Variants in SEC23B observed in about 807,000 individuals in gnomAD.
The protein encoded by SEC23B is protein transport protein Sec23B.
SEC23B carries 77 observed loss-of-function variants against 104.3 expected under a neutral mutation model. The observed-to-expected ratio is 0.74, with a 90% CI of 0.61 to 0.89. The LOEUF (loss-of-function observed/expected upper bound fraction) is 0.89, where lower values mean the gene tolerates loss of function less well. Among genes scored for constraint, SEC23B ranks in the 40% least tolerant of loss-of-function variants. The pLI, the probability that SEC23B is intolerant of heterozygous loss-of-function variation, is 0.00. For synonymous variants in SEC23B, 338 were observed against 332.5 expected, an observed-to-expected ratio of 1.02 and a Z score of -0.18; for missense variants, 885 against 949.4, an observed-to-expected ratio of 0.93 and a Z score of 0.89.
intron 4 of SEC23B, among the ~76,000 whole-genome samples, chr20:18,523,909 G>A (rs949891614): frequency 3.9e-5 from 6 of 151,944 alleles, no homozygotes; most frequent in Non-Finnish European, 7.4e-5. Context: ...TAGAGACGGG[G>A]TCTCGCCATG....
At chr20:18,527,686 G>A (rs1033527300) in intron 9 of SEC23B, 75 bp downstream of exon 9, 4 of 1,004,556 alleles carry the variant, frequency 4.0e-6, no homozygotes, top group Non-Finnish European at 6.4e-6. Context: ...TGGAGCCATA[G>A]GAATGGGCAA....
At position 18,554,381 on chromosome 20, in the gene SEC23B, A is replaced by T; in HGVS notation, c.2139A>T (p.Gly713=). 3.7e-6 allele frequency: 6 copies of T among 1,614,190 alleles called. No individual in the cohort carries two copies. Among genetic ancestry groups the T allele is most frequent in the Non-Finnish European group, 5.1e-6 (6 of 1,180,024 alleles). The change falls in exon 18 of 20, where the codon GGA becomes GGT. Residue 713 remains glycine (G), a synonymous_variant. Coordinates refer to ENST00000650089, the MANE Select transcript of SEC23B (RefSeq NM_006363.6). ...PMPRYINTEH[G]GSQARFLLSK... is the part of the protein sequence containing the mutation. ...CACGTTACATCAACACGGAGCATGGAGGCAGTCAGGTGAGTGAGCTGAGTT... is the reference window on the plus strand; with the variant it reads ...CACGTTACATCAACACGGAGCATGGTGGCAGTCAGGTGAGTGAGCTGAGTT...
chr20:18,526,323 C>T (rs1186647790), intron 7 of SEC23B, 50 bp from the exon 8 acceptor site: 2 of 1,599,986 alleles, frequency 1.3e-6, no homozygotes, highest in Admixed American at 1.7e-5. Flanking sequence ...TGAAACCATA[C>T]TAAAAGGTGA....
intron 3 of SEC23B, among the ~76,000 whole-genome samples, chr20:18,513,591 A>C (rs2059999723): frequency 6.6e-6 from 1 of 152,220 alleles, no homozygotes; most frequent in Admixed American, 6.5e-5. Flanking sequence ...CATAATTACA[A>C]TTACTCATTC....
chr20:18,524,511 G>C lies in SEC23B; in HGVS notation c.445G>C (p.Glu149Gln). ...LEEDDLQALK[E>Q]SLQMSLSLLP... Reference sequence around the variant, plus strand: ...GGAAGATGACCTTCAAGCACTCAAAGAGTCCCTGCAGATGTCCCTGAGTCT... The same window carrying C: ...GGAAGATGACCTTCAAGCACTCAAACAGTCCCTGCAGATGTCCCTGAGTCT... The change falls in exon 5 of 20, where the codon GAG becomes CAG. Residue 149 changes from glutamate (E) to glutamine (Q), a missense_variant. By Grantham distance (29) the Glu-to-Gln change is conservative (BLOSUM62 2). Coordinates refer to ENST00000650089, the MANE Select transcript of SEC23B (RefSeq NM_006363.6). The C allele has an allele frequency of 6.2e-7, 1 of 1,614,216 alleles. No homozygotes were observed. The highest frequency in any genetic ancestry group is 8.5e-7 in the Non-Finnish European group (1 of 1,180,040).
Position 18,524,447 on chromosome 20 carries a change from C to G in SEC23B, c.381C>G (p.Ser127=), listed in dbSNP as rs1268103409. The G allele has an allele frequency of 6.2e-7, 1 of 1,613,638 alleles. No individual in the cohort carries two copies. The highest frequency in any genetic ancestry group is 8.5e-7 in the Non-Finnish European group (1 of 1,179,770). Residue 127 remains serine, a synonymous_variant, in exon 5 of 20, where the codon TCC becomes TCG. Transcript: ENST00000650089. Reference sequence around the variant, plus strand: ...TTTGCCCAAAGCGAGGTGCTCAGTCCCCTCTGATCTTTCTCTATGTGGTTG... The same window carrying G: ...TTTGCCCAAAGCGAGGTGCTCAGTCGCCTCTGATCTTTCTCTATGTGGTTG... The part of the protein sequence containing the change: ...IEYVIQRGAQ[S]PLIFLYVVDT...
intron 4 of SEC23B, among the ~76,000 whole-genome samples, chr20:18,516,246 T>TGC (rs1298292675): frequency 1.3e-5 from 1 of 75,288 alleles, no homozygotes; most frequent in Non-Finnish European, 3.4e-5. Flanking sequence ...GCCACAGTAA[T>TGC]TCTTTTTTTT....
intron 9 of SEC23B, among the ~76,000 whole-genome samples, chr20:18,529,420 A>C (rs775676410): frequency 1.3e-5 from 2 of 152,242 alleles, no homozygotes; most frequent in African/African-American, 2.4e-5. Flanking sequence ...GGTATTTTGC[A>C]GAGGGTTTGG....
intron 19 of SEC23B, among the ~76,000 whole-genome samples, chr20:18,555,661 A>C (rs943918686): frequency 2.6e-5 from 4 of 152,228 alleles, no homozygotes; most frequent in Non-Finnish European, 5.9e-5. Flanking sequence ...TGTTTTCTTA[A>C]AACATTTTTA....
chr20:18,526,657 T>C, intron 8 of SEC23B, 126 bp downstream of exon 8: 1 of 1,023,758 alleles, frequency 9.8e-7, no homozygotes, highest in Non-Finnish European at 1.5e-6. Context: ...CAGAGACAGT[T>C]TTCCAATCTT....
chr20:18,548,263 A>T (rs114642259), intron 15 of SEC23B, among the ~76,000 whole-genome samples: 74,935 of 129,090 alleles, frequency 0.58, 19,607 homozygotes, highest in Non-Finnish European at 0.67. Flanking sequence ...AGGCCCTTTA[A>T]AAAAAAAAAT....
chr20:18,524,771 G>A, intron 5 of SEC23B, 102 bp downstream of exon 5: 1 of 1,220,430 alleles, frequency 8.2e-7, no homozygotes, highest in South Asian at 1.2e-5. Context: ...GTTCAGTGGT[G>A]TGATCATTGC....
chr20:18,559,086 G>A (rs529515468), intron 19 of SEC23B, among the ~76,000 whole-genome samples: 4 of 150,220 alleles, frequency 2.7e-5, no homozygotes, highest in Admixed American at 6.7e-5. Flanking sequence ...TTGGTGGGGG[G>A]GGTGTCGGGG....
chr20:18,524,924 T>G lies in SEC23B; in HGVS notation c.604-11T>G, dbSNP rs924156756. The stretch of plus-strand genomic sequence containing the variant: ...TTGGAAATGAATCTTTTTGGCTTTT[T>G]TTTTTTTAAGGATATGTTGGGCCTG... On this transcript the variant is annotated splice_polypyrimidine_tract_variant and intron_variant, in intron 5 of 19. Coordinates refer to ENST00000650089, the MANE Select transcript of SEC23B (RefSeq NM_006363.6). 6.2e-7 allele frequency: 1 copy of G among 1,613,786 alleles called. No homozygotes were observed.
At chr20:18,555,246 A>G in intron 19 of SEC23B, 73 bp downstream of exon 19, 1 of 1,274,042 alleles carries the variant, frequency 7.8e-7, no homozygotes, top group Non-Finnish European at 1.1e-6. Context: ...AATTCTACAA[A>G]TTGGATCTCT....
intron 19 of SEC23B, among the ~76,000 whole-genome samples, chr20:18,560,149 T>A (rs1298125834): frequency 1.3e-5 from 2 of 152,050 alleles, no homozygotes; most frequent in Non-Finnish European, 2.9e-5. Flanking sequence ...AAAATTGGAA[T>A]CTTACTACAA....
intron 1 of SEC23B, among the ~76,000 whole-genome samples, chr20:18,508,859 T>C (rs1188999436): frequency 1.3e-5 from 2 of 151,822 alleles, no homozygotes; most frequent in Non-Finnish European, 2.9e-5. Flanking sequence ...TAGCTGGGAT[T>C]ACAGGCACCT....
chr20:18,550,164 C>T (rs1760211314), intron 16 of SEC23B, among the ~76,000 whole-genome samples: 1 of 139,950 alleles, frequency 7.1e-6, no homozygotes. Context: ...AAATAATAAA[C>T]GTATTTTTTT....
intron 4 of SEC23B, among the ~76,000 whole-genome samples, chr20:18,523,710 T>TC (rs1341631701): frequency 6.2e-5 from 9 of 145,372 alleles, no homozygotes; most frequent in African/African-American, 2.0e-4. Flanking sequence ...CTCTTTTTCT[T>TC]TTTTTTTTTT....
Sources: allele counts gnomAD v4.1 joint callset (sites outside exome capture counted in the v4.1 genomes callset), GRCh38; gene constraint gnomAD v4.1.1; transcripts MANE v1.5; gene names NCBI Gene and HGNC (gene_info 2026-07-23, HGNC 2026-07-21).